Variants in TBC1D21 observed in about 807,000 individuals in gnomAD.
TBC1D21 encodes the protein male germ cell Rab GTPase-activating protein.
Under a neutral mutation model 46.0 loss-of-function variants are expected in TBC1D21, and 38 were observed. The ratio of observed to expected loss-of-function variants is 0.83; its 90% confidence interval spans 0.64 to 1.08. The LOEUF is 1.08. TBC1D21 is among the 50% of genes least tolerant of loss of function. The probability of loss-of-function intolerance (pLI) is 0.00; values close to 1 mark genes in which losing one functional copy is unlikely to be tolerated. For synonymous variants in TBC1D21, 151 were observed against 157.2 expected (o/e 0.96, Z 0.29); for missense variants, 415 against 417.9 (o/e 0.99, Z 0.06).
At chr15:73,909,767 T>G in the TBC1D21 span, 1 of 151,256 alleles carries the variant, frequency 6.6e-6, no homozygotes, top group African/African-American at 2.4e-5. Flanking sequence ...AACCTCCAAG[T>G]TACAACACTC....
At chr15:73,887,861 A>G in intron 9 of TBC1D21, 125 bp downstream of exon 9, 1 of 739,356 alleles carries the variant, frequency 1.4e-6, no homozygotes, top group Non-Finnish European at 2.2e-6. Flanking sequence ...CCCCCCAGAC[A>G]GAAAGGGCAA....
chr15:73,888,928 G>C (rs2141587070), intron 10 of TBC1D21, 141 bp from the exon 11 acceptor site: 1 of 950,120 alleles, frequency 1.1e-6, no homozygotes, highest in Non-Finnish European at 1.6e-6. Flanking sequence ...CTTGAGAGCA[G>C]GGCCCTCATC....
At chr15:73,881,898 G>A (rs2068162726) in intron 3 of TBC1D21, 151 bp downstream of exon 3, 2 of 684,772 alleles carry the variant, frequency 2.9e-6, no homozygotes, top group Non-Finnish European at 5.0e-6. Flanking sequence ...CACACAGGAG[G>A]TGCGGCCAGT....
At chr15:73,900,891 G>A in the TBC1D21 span, among the ~76,000 whole-genome samples, 1 of 152,204 alleles carries the variant, frequency 6.6e-6, no homozygotes, top group Non-Finnish European at 1.5e-5. Flanking sequence ...TCTGTAAAAT[G>A]CGGCTAATAG....
In TBC1D21 at chr15:73,886,086, C is replaced by T. The variant is rs185802293; in HGVS notation, c.588C>T (p.Ser196=). 2 of 1,614,198 alleles carry T rather than the reference C, an allele frequency of 1.2e-6. No individual in the cohort carries two copies. Among genetic ancestry groups the T allele is most frequent in the Middle Eastern group, 1.7e-4 (1 of 6,060 alleles). ...CCCACCATCGTGTGCAGGAACACAGCTGTGTCATCAACATTGGCGTGGCCA... is the reference window on the plus strand; with the variant it reads ...CCCACCATCGTGTGCAGGAACACAGTTGTGTCATCAACATTGGCGTGGCCA... The part of the protein sequence containing the change: ...FQFFLQKTEH[S]CVINIGVAKN... The change falls in exon 7 of 11, where the codon AGC becomes AGT. Residue 196 remains serine (S), a synonymous_variant. Coordinates refer to ENST00000300504, the MANE Select transcript of TBC1D21 (RefSeq NM_153356.3).
chr15:73,888,496 G>A lies in TBC1D21; in HGVS notation c.961G>A (p.Glu321Lys). 6.2e-7 allele frequency: 1 copy of A among 1,614,030 alleles called. No individual in the cohort carries two copies. Among genetic ancestry groups the A allele is most frequent in the Non-Finnish European group, 8.5e-7 (1 of 1,179,998 alleles). ...CTCTGCCGCCTGCGTGGTTTATGCT[G>A]AGCTCATCCAGAAGGATGTAAGTTG... Reference protein sequence around the residue: ...LISAACVVYAELIQKDVPQTL... With the variant: ...LISAACVVYAKLIQKDVPQTL... Residue 321 changes from glutamate to lysine, a missense_variant, in exon 10 of 11, where the codon GAG (glutamate) becomes AAG (lysine). Coordinates refer to ENST00000300504, the MANE Select transcript of TBC1D21 (RefSeq NM_153356.3).
At chr15:73,892,509 G>A (rs758932666), downstream of TBC1D21, among the ~76,000 whole-genome samples, 17 of 152,194 alleles carry the variant, frequency 1.1e-4, no homozygotes, top group African/African-American at 2.9e-4. Context: ...TCCATGCACC[G>A]CTGCGTTCCC....
intron 1 of TBC1D21, among the ~76,000 whole-genome samples, chr15:73,878,974 C>T (rs2068108034): frequency 6.6e-6 from 1 of 152,138 alleles, no homozygotes; most frequent in South Asian, 2.1e-4. Flanking sequence ...AGTGTCTATG[C>T]AGGTGGGGAA....
intron 1 of TBC1D21, among the ~76,000 whole-genome samples, 195 bp from the exon 2 acceptor site, chr15:73,881,204 T>C (rs1184856720): frequency 2.0e-5 from 3 of 152,246 alleles, no homozygotes; most frequent in African/African-American, 7.2e-5. Flanking sequence ...TGTTGGTGAG[T>C]AATGTGCATG....
At chr15:73,880,422 T>G (rs967175457) in intron 1 of TBC1D21, among the ~76,000 whole-genome samples, 2 of 152,184 alleles carry the variant, frequency 1.3e-5, no homozygotes, top group Non-Finnish European at 2.9e-5. Flanking sequence ...TAATTAATGC[T>G]TATTTTATAT....
chr15:73,895,406 C>T, the TBC1D21 span, among the ~76,000 whole-genome samples: 3 of 152,126 alleles, frequency 2.0e-5, no homozygotes, highest in Non-Finnish European at 4.4e-5. Context: ...GCCCTCTTTC[C>T]AGGAGCTCTG....
At chr15:73,896,562 A>G in the TBC1D21 span, among the ~76,000 whole-genome samples, 4 of 151,984 alleles carry the variant, frequency 2.6e-5, no homozygotes, top group Admixed American at 2.0e-4. Flanking sequence ...TCCTAGCTCA[A>G]TAGGAAAGGG....
At position 73,884,859 on chromosome 15, in the gene TBC1D21, TG is replaced by T. The variant is rs1445157984; in HGVS notation, c.447del (p.Leu150SerfsTer2). The T allele has an allele frequency of 6.2e-7, 1 of 1,614,018 alleles. No homozygotes were observed. The highest frequency in any genetic ancestry group is 1.3e-5 in the African/African-American group (1 of 74,916). ...LIDKKRLEKI[L>X]LLSYVCNTQA... ...GACAAGAAGAGGCTAGAGAAGATCC[TG>T]CTCCTGAGTTACGTCTGCAACACGC... is the stretch of plus-strand genomic sequence containing the variant. On this transcript the variant is annotated frameshift_variant, in exon 5 of 11. Coordinates refer to ENST00000300504, the MANE Select transcript of TBC1D21 (RefSeq NM_153356.3). LOFTEE classifies it high-confidence loss of function.
At chr15:73,885,196 C>T in intron 6 of TBC1D21, 93 bp downstream of exon 6, 2 of 1,166,030 alleles carry the variant, frequency 1.7e-6, no homozygotes, top group South Asian at 2.5e-5. Flanking sequence ...TTGGCCACCC[C>T]AGCCATTCCT....
chr15:73,881,607 T>C, intron 2 of TBC1D21, 37 bp from the exon 3 acceptor site: 13 of 1,605,224 alleles, frequency 8.1e-6, no homozygotes, highest in Admixed American at 1.7e-5. Context: ...TAGGCATCGA[T>C]AGAGCCCATG....
At chr15:73,881,367 CAT>C (rs748352436) in intron 1 of TBC1D21, 30 bp from the exon 2 acceptor site, 2 of 1,541,914 alleles carry the variant, frequency 1.3e-6, no homozygotes, top group African/African-American at 2.7e-5. Context: ...AGCCTTCTAA[CAT>C]AAGGCAGAAC....
intron 1 of TBC1D21, among the ~76,000 whole-genome samples, chr15:73,875,925 C>T (rs981477893): frequency 6.6e-6 from 1 of 152,184 alleles, no homozygotes; most frequent in African/African-American, 2.4e-5. Context: ...TGACAATCTC[C>T]GTCACATTAA....
the TBC1D21 span, among the ~76,000 whole-genome samples, chr15:73,903,581 C>G: frequency 6.6e-6 from 1 of 152,190 alleles, no homozygotes; most frequent in African/African-American, 2.4e-5. Context: ...ACACCCAAAT[C>G]CTTGTCAGAA....
chr15:73,889,830 A>G (rs1186222687), downstream of TBC1D21, among the ~76,000 whole-genome samples: 2 of 152,240 alleles, frequency 1.3e-5, no homozygotes, highest in Non-Finnish European at 2.9e-5. Flanking sequence ...CTGTGAGGAA[A>G]AGGTGCATCA....
Sources: allele counts gnomAD v4.1 joint callset (sites outside exome capture counted in the v4.1 genomes callset), GRCh38; gene constraint gnomAD v4.1.1; transcripts MANE v1.5; gene names NCBI Gene and HGNC (gene_info 2026-07-23, HGNC 2026-07-21).